REDIC1: variants seen among roughly 807,000 people sequenced by gnomAD.
The protein encoded by REDIC1 is HEI10 Interacting Protein 1.
chr12:39,842,645 A>G, the REDIC1 span, among the ~76,000 whole-genome samples: 1 of 152,052 alleles, frequency 6.6e-6, no homozygotes, highest in African/African-American at 2.4e-5. Flanking sequence ...TTCATATAAA[A>G]TTTACCATTT....
At chr12:39,797,742 A>G in the REDIC1 span, among the ~76,000 whole-genome samples, 1,167 of 122,788 alleles carry the variant, frequency 9.5e-3, 16 homozygotes, top group African/African-American at 0.034. Flanking sequence ...ACACACACAC[A>G]CACACACACA....
chr12:39,874,615 CAA>C, the REDIC1 span, among the ~76,000 whole-genome samples: 1,803 of 101,062 alleles, frequency 0.018, 44 homozygotes, highest in African/African-American at 0.06. Context: ...AACTCCATCT[CAA>C]AAAAAAAAAA....
the REDIC1 span, among the ~76,000 whole-genome samples, chr12:39,679,915 G>A: frequency 6.6e-6 from 1 of 152,132 alleles, no homozygotes; most frequent in South Asian, 2.1e-4. Flanking sequence ...TCAACAAATG[G>A]TGCTGGGATA....
At chr12:39,774,253 C>T in the REDIC1 span, among the ~76,000 whole-genome samples, 1 of 152,112 alleles carries the variant, frequency 6.6e-6, no homozygotes, top group Non-Finnish European at 1.5e-5. Flanking sequence ...TAATTCCCAA[C>T]CAGAGATTTA....
chr12:39,663,508 G>T, the REDIC1 span, among the ~76,000 whole-genome samples: 3 of 151,966 alleles, frequency 2.0e-5, no homozygotes, highest in Non-Finnish European at 4.4e-5. Flanking sequence ...GTAGCATATA[G>T]TTGTGTTATG....
At chr12:39,674,784 C>A in the REDIC1 span, among the ~76,000 whole-genome samples, 1 of 152,206 alleles carries the variant, frequency 6.6e-6, no homozygotes, top group Non-Finnish European at 1.5e-5. Context: ...GGCCTTCTCT[C>A]ACAGGGGTCC....
the REDIC1 span, among the ~76,000 whole-genome samples, chr12:39,876,737 A>G: frequency 2.6e-5 from 4 of 152,180 alleles, no homozygotes; most frequent in Non-Finnish European, 5.9e-5. Context: ...AGCTCATAAT[A>G]CAGACAATTT....
the REDIC1 span, among the ~76,000 whole-genome samples, chr12:39,632,750 C>A: frequency 1.3e-5 from 2 of 152,108 alleles, no homozygotes; most frequent in African/African-American, 4.8e-5. Flanking sequence ...CAAACCTATA[C>A]AGCATGTTAC....
At chr12:39,824,497 C>A in the REDIC1 span, among the ~76,000 whole-genome samples, 1 of 152,164 alleles carries the variant, frequency 6.6e-6, no homozygotes, top group South Asian at 2.1e-4. Context: ...TGTGTTCAAT[C>A]GGAGTCAGTT....
the REDIC1 span, among the ~76,000 whole-genome samples, chr12:39,676,067 C>G: frequency 1.1e-3 from 162 of 152,254 alleles, no homozygotes; most frequent in African/African-American, 3.9e-3. Flanking sequence ...AAAGACCACA[C>G]TAGTTCTCCA....
the REDIC1 span, chr12:39,646,350 A>G: frequency 7.5e-7 from 1 of 1,340,302 alleles, no homozygotes. Flanking sequence ...AAACCAACCC[A>G]TGTGAACATG....
At chr12:39,731,432 G>C in the REDIC1 span, among the ~76,000 whole-genome samples, 1 of 152,174 alleles carries the variant, frequency 6.6e-6, no homozygotes, top group Non-Finnish European at 1.5e-5. Flanking sequence ...GCTGGAGTTT[G>C]CTGGAGGTCC....
the REDIC1 span, among the ~76,000 whole-genome samples, chr12:39,670,206 T>C: frequency 4.7e-3 from 709 of 152,246 alleles, 3 homozygotes; most frequent in African/African-American, 0.016. Context: ...TATTTATTTT[T>C]TTGAGATAGA....
chr12:39,707,065 TCAATAA>T, the REDIC1 span, among the ~76,000 whole-genome samples: 1 of 151,560 alleles, frequency 6.6e-6, no homozygotes, highest in Non-Finnish European at 1.5e-5. Flanking sequence ...AAGGAAACAA[TCAATAA>T]AGAGACAACC....
chr12:39,721,459 A>G, the REDIC1 span: 1 of 499,406 alleles, frequency 2.0e-6, no homozygotes, highest in Admixed American at 3.8e-5. Flanking sequence ...CATTTCCTTA[A>G]TAGCTTTGGT....
chr12:39,810,146 C>T, the REDIC1 span, among the ~76,000 whole-genome samples: 3 of 152,308 alleles, frequency 2.0e-5, no homozygotes, highest in East Asian at 1.9e-4. Context: ...GAAGAACCGA[C>T]ATCTTAACCA....
At chr12:39,749,269 C>G in the REDIC1 span, among the ~76,000 whole-genome samples, 1 of 152,062 alleles carries the variant, frequency 6.6e-6, no homozygotes, top group Non-Finnish European at 1.5e-5. Flanking sequence ...ATACAAACTA[C>G]CATCAGAGAA....
the REDIC1 span, among the ~76,000 whole-genome samples, chr12:39,720,413 C>G: frequency 6.6e-6 from 1 of 152,028 alleles, no homozygotes; most frequent in African/African-American, 2.4e-5. Context: ...TTCTAGTCTA[C>G]TCTTTTTAAG....
the REDIC1 span, among the ~76,000 whole-genome samples, chr12:39,814,530 T>A: frequency 6.6e-6 from 1 of 152,122 alleles, no homozygotes; most frequent in Non-Finnish European, 1.5e-5. Flanking sequence ...AATTAATAGA[T>A]AAAAGTTCTT....
Sources: allele counts gnomAD v4.1 joint callset (sites outside exome capture counted in the v4.1 genomes callset), GRCh38; gene constraint gnomAD v4.1.1; transcripts MANE v1.5; gene names NCBI Gene and HGNC (gene_info 2026-07-23, HGNC 2026-07-21).